Variants in ZBTB20 observed in about 807,000 individuals in gnomAD.
The protein encoded by ZBTB20 is zinc finger and BTB domain containing 20.
In ZBTB20, 9 loss-of-function variants were observed where a neutral mutation model predicts 56.9. The ratio of observed to expected loss-of-function variants is 0.16; its 90% CI spans 0.10 to 0.28. The LOEUF is 0.28. Ranked by LOEUF, ZBTB20 falls within the 10% of genes least tolerant of loss-of-function variation. The pLI, the probability that ZBTB20 is intolerant of heterozygous loss-of-function variation, is 1.00. For synonymous variants in ZBTB20, 417 were observed against 420.7 expected (o/e 0.99, Z 0.11); for missense variants, 655 against 1,003.0 (o/e 0.65, Z 4.69).
At position 114,914,759 on chromosome 3, in the gene ZBTB20, GTTTT is replaced by G. The variant is rs555516253; in HGVS notation, c.-455-14421_-455-14418del. Among the ~76,000 whole-genome samples, 738 of 147,494 alleles carry G rather than the reference GTTTT, an allele frequency of 5.0e-3. 5 individuals carry two copies. Among genetic ancestry groups the G allele is most frequent in the African/African-American group, 0.017 (696 of 40,428 alleles). On this transcript the variant is annotated intron_variant, in intron 3 of 11. Transcript: ENST00000675478. ...TACTTCGATATCCAGTTTTTTGAGG[GTTTT>G]TTTTTTATCATGAGGGGATACTGAA... is the stretch of plus-strand genomic sequence containing the variant.
intron 7 of ZBTB20, among the ~76,000 whole-genome samples, chr3:114,399,510 A>T (rs1180844809): frequency 6.6e-6 from 1 of 152,184 alleles, no homozygotes; most frequent in Non-Finnish European, 1.5e-5. Flanking sequence ...AGTAATCAAT[A>T]ATAAGTATTT....
chr3:114,575,644 C>T (rs1577687004), intron 6 of ZBTB20, among the ~76,000 whole-genome samples: 1 of 148,268 alleles, frequency 6.7e-6, no homozygotes, highest in South Asian at 2.1e-4. Context: ...AAATAGTAAA[C>T]AACACGAACT....
At chr3:114,659,156 CA>C (rs1280420897) in intron 6 of ZBTB20, among the ~76,000 whole-genome samples, 1 of 152,156 alleles carries the variant, frequency 6.6e-6, no homozygotes, top group African/African-American at 2.4e-5. Context: ...TGTTGGTACC[CA>C]ATCCTTTAAC....
rs115816570 is a variant in ZBTB20 at position 114,861,190 on chromosome 3, C to T, written c.-417+39114G>A. 6.4e-3 allele frequency among the ~76,000 whole-genome samples: 978 copies of T among 152,298 alleles called. 16 individuals are homozygous for T. Among genetic ancestry groups the T allele is most frequent in the African/African-American group, 0.023 (954 of 41,556 alleles). The stretch of plus-strand genomic sequence containing the variant: ...TTCAGGAGACTTACACTGACCATCA[C>T]ATCTGAAATAGCTTGCCAACTTTAC... On this transcript the variant is annotated intron_variant, in intron 4 of 11. Coordinates refer to ENST00000675478, the MANE Select transcript of ZBTB20 (RefSeq NM_001348800.3).
chr3:114,514,896 T>C (rs2045813003), intron 6 of ZBTB20, among the ~76,000 whole-genome samples: 1 of 152,244 alleles, frequency 6.6e-6, no homozygotes, highest in African/African-American at 2.4e-5. Flanking sequence ...GTCAAGTTTA[T>C]TGCCATTGAC....
intron 6 of ZBTB20, among the ~76,000 whole-genome samples, chr3:114,556,415 T>A (rs1414375664): frequency 6.6e-6 from 1 of 152,054 alleles, no homozygotes; most frequent in Non-Finnish European, 1.5e-5. Context: ...AAAACATATC[T>A]ATTCCTCAGT....
intron 10 of ZBTB20, among the ~76,000 whole-genome samples, chr3:114,376,510 T>C (rs993021588): frequency 3.3e-5 from 5 of 152,166 alleles, no homozygotes; most frequent in African/African-American, 7.2e-5. Context: ...GTACTAAAAA[T>C]TTTAATCACA....
chr3:114,988,797 C>T (rs1309355222), intron 2 of ZBTB20, among the ~76,000 whole-genome samples: 1 of 152,132 alleles, frequency 6.6e-6, no homozygotes, highest in Non-Finnish European at 1.5e-5. Context: ...GCCATTCTAA[C>T]TGGTGTGAGA....
intron 1 of ZBTB20, among the ~76,000 whole-genome samples, chr3:115,075,557 G>A (rs1159039725): frequency 6.6e-6 from 1 of 151,996 alleles, no homozygotes; most frequent in Non-Finnish European, 1.5e-5. Flanking sequence ...TCCACATCTT[G>A]GTCATTGCTA....
At chr3:114,456,772 C>T (rs1331516194) in intron 7 of ZBTB20, among the ~76,000 whole-genome samples, 1 of 152,194 alleles carries the variant, frequency 6.6e-6, no homozygotes, top group Non-Finnish European at 1.5e-5. Context: ...ACAGTGCCAT[C>T]AGATGTTACT....
chr3:114,657,231 T>C (rs1445087012), intron 6 of ZBTB20, among the ~76,000 whole-genome samples: 2 of 152,228 alleles, frequency 1.3e-5, no homozygotes, highest in African/African-American at 4.8e-5. Context: ...GGACTGGTTT[T>C]ATTATTTGAC....
At chr3:114,958,813 T>G (rs1034512697) in intron 3 of ZBTB20, among the ~76,000 whole-genome samples, 1 of 148,316 alleles carries the variant, frequency 6.7e-6, no homozygotes, top group Non-Finnish European at 1.5e-5. Flanking sequence ...ATTGCACCAC[T>G]GCACTCCAGC....
At chr3:114,769,586 T>C (rs1339017398) in intron 5 of ZBTB20, among the ~76,000 whole-genome samples, 1 of 113,888 alleles carries the variant, frequency 8.8e-6, no homozygotes, top group African/African-American at 3.1e-5. Context: ...TATATATATA[T>C]ATATATATAT....
intron 2 of ZBTB20, among the ~76,000 whole-genome samples, chr3:115,035,450 A>G (rs762417045): frequency 1.3e-5 from 2 of 152,108 alleles, no homozygotes; most frequent in Non-Finnish European, 2.9e-5. Context: ...AAACAAGCAC[A>G]TGAAAAGATG....
intron 4 of ZBTB20, among the ~76,000 whole-genome samples, chr3:114,828,673 C>T (rs1180204615): frequency 6.6e-6 from 1 of 151,808 alleles, no homozygotes; most frequent in Admixed American, 6.6e-5. Flanking sequence ...ATTATGGCTA[C>T]TAGCCATTAT....
intron 7 of ZBTB20, among the ~76,000 whole-genome samples, chr3:114,440,923 G>C (rs1368915098): frequency 2.0e-5 from 3 of 152,128 alleles, no homozygotes; most frequent in African/African-American, 7.2e-5. Context: ...TCCTCTCTGA[G>C]TCCCTGACCT....
chr3:114,487,757 C>A (rs982185771), intron 7 of ZBTB20, among the ~76,000 whole-genome samples: 1 of 152,180 alleles, frequency 6.6e-6, no homozygotes, highest in Non-Finnish European at 1.5e-5. Context: ...AATTCTCTAG[C>A]GTCTTTCACT....
At chr3:115,005,026 T>C (rs75985686) in intron 2 of ZBTB20, among the ~76,000 whole-genome samples, 5,164 of 151,760 alleles carry the variant, frequency 0.034, 240 homozygotes, top group African/African-American at 0.095. Context: ...TGTGTGTGTG[T>C]GGGCCTGTTT....
intron 5 of ZBTB20, among the ~76,000 whole-genome samples, chr3:114,751,905 G>C (rs981076848): frequency 1.3e-5 from 2 of 152,038 alleles, no homozygotes; most frequent in African/African-American, 4.8e-5. Flanking sequence ...TAAGAAATGT[G>C]TTTTGAATTG....
Sources: allele counts gnomAD v4.1 joint callset (sites outside exome capture counted in the v4.1 genomes callset), GRCh38; gene constraint gnomAD v4.1.1; transcripts MANE v1.5; gene names NCBI Gene and HGNC (gene_info 2026-07-23, HGNC 2026-07-21).